Variants in MMP24 observed in about 807,000 individuals in gnomAD.
MMP24 encodes matrix metallopeptidase 24, also known as matrix metalloproteinase-24.
MMP24 carries 25 observed loss-of-function variants against 62.8 expected under a neutral mutation model. The observed-to-expected ratio is 0.40, with a 90% CI of 0.29 to 0.56. MMP24 has a LOEUF of 0.56. Ranked by LOEUF, MMP24 falls within the 20% of genes least tolerant of loss-of-function variation. The pLI is 0.50. For missense variants in MMP24, 634 were observed against 853.6 expected, an observed-to-expected ratio of 0.74 and a Z score of 3.21; for synonymous variants, 319 against 350.5, an observed-to-expected ratio of 0.91 and a Z score of 1.00.
At chr20:35,236,973 C>CAAA (rs10710875) in intron 1 of MMP24, among the ~76,000 whole-genome samples, 28 of 76,462 alleles carry the variant, frequency 3.7e-4, no homozygotes, top group African/African-American at 9.5e-4. Flanking sequence ...GACACCATCT[C>CAAA]AAAAAAAAAA....
Position 35,269,741 on chromosome 20 carries a change from C to A in MMP24, c.1195-19C>A, listed in dbSNP as rs2275274. 12 of 1,562,158 alleles carry A rather than the reference C, an allele frequency of 7.7e-6. No individual in the cohort carries two copies. The highest frequency in any genetic ancestry group is 2.7e-5 in the African/African-American group (2 of 73,348). ...CAGGGCCTGACACACCTCTCTCCCC[C>A]TCTCCCGCTTCCTCCCAGGATCGCT... On this transcript the variant is annotated intron_variant, in intron 6 of 8. Transcript: ENST00000246186. This position sits in a 1 kb window ranked among gnomAD's most constrained non-coding sequence, Gnocchi z 4.6.
chr20:35,245,406 G>C (rs141405922), intron 1 of MMP24, among the ~76,000 whole-genome samples: 40 of 150,818 alleles, frequency 2.7e-4, no homozygotes, highest in African/African-American at 9.9e-4. Flanking sequence ...TCTTCTCTCT[G>C]TCTCTGTCTG....
intron 1 of MMP24, among the ~76,000 whole-genome samples, chr20:35,231,216 T>C (rs900149650): frequency 3.3e-5 from 5 of 152,218 alleles, no homozygotes; most frequent in Admixed American, 3.3e-4. Context: ...CATGAATAAG[T>C]AACAGAGTGT....
At chr20:35,236,960 C>G (rs192422867) in intron 1 of MMP24, among the ~76,000 whole-genome samples, 1 of 130,706 alleles carries the variant, frequency 7.7e-6, no homozygotes, top group Non-Finnish European at 1.5e-5. Context: ...TGCGACAGAG[C>G]GAGACACCAT....
chr20:35,246,209 C>T (rs527531669), intron 1 of MMP24, among the ~76,000 whole-genome samples: 16 of 151,126 alleles, frequency 1.1e-4, no homozygotes, highest in Admixed American at 2.0e-4. Context: ...AATCCCACAA[C>T]TTTGGGAGGC....
rs2060666754 is a variant in MMP24 at position 35,271,131 on chromosome 20, A to G, written c.1334-438A>G. Among the ~76,000 whole-genome samples, 1 of 152,172 alleles carries G rather than the reference A, an allele frequency of 6.6e-6. No individual in the cohort carries two copies. Among genetic ancestry groups the G allele is most frequent in the South Asian group, 2.1e-4 (1 of 4,838 alleles). On this transcript the variant is annotated intron_variant, in intron 7 of 8. Coordinates refer to ENST00000246186, the MANE Select transcript of MMP24 (RefSeq NM_006690.4). This position sits in a 1 kb window ranked among gnomAD's most constrained non-coding sequence, Gnocchi z 4.0. ...TCCCTGTTGGGGACCTGGGAGGCAG[A>G]AGGTGATGAGGAGGGAGCCCCTCTG...
intron 1 of MMP24, among the ~76,000 whole-genome samples, chr20:35,242,415 TTGG>T (rs1313508288): frequency 1.3e-5 from 2 of 152,144 alleles, no homozygotes; most frequent in Non-Finnish European, 2.9e-5. Context: ...AACATAAAAC[TTGG>T]TGGTCTGAAG....
intron 1 of MMP24, among the ~76,000 whole-genome samples, chr20:35,233,228 G>A (rs2060445942): frequency 6.6e-6 from 1 of 152,030 alleles, no homozygotes; most frequent in South Asian, 2.1e-4. Flanking sequence ...CCAACATGGT[G>A]AAACCCTATC....
intron 1 of MMP24, among the ~76,000 whole-genome samples, chr20:35,230,763 A>G (rs572354567): frequency 1.3e-5 from 2 of 152,344 alleles, no homozygotes; most frequent in Admixed American, 1.3e-4. Flanking sequence ...GAGTTGCCCA[A>G]GGGCACAGAA....
intron 5 of MMP24, among the ~76,000 whole-genome samples, chr20:35,264,349 C>T (rs1282939262): frequency 1.3e-5 from 2 of 152,052 alleles, no homozygotes; most frequent in Non-Finnish European, 2.9e-5. Context: ...GCAGGAGTAA[C>T]GGTGATACAG....
rs780218754 is a variant in MMP24 at position 35,246,872 on chromosome 20, C to T, written c.279C>T (p.Pro93=). The T allele has an allele frequency of 4.3e-6, 7 of 1,614,044 alleles. No homozygotes were observed. The highest frequency in any genetic ancestry group is 5.9e-6 in the Non-Finnish European group (7 of 1,179,892). The change falls in exon 2 of 9, where the codon CCC becomes CCT. Residue 93 remains proline, a synonymous_variant. Coordinates refer to ENST00000246186, the MANE Select transcript of MMP24 (RefSeq NM_006690.4). Reference sequence around the variant, plus strand: ...TAAAGTCCTATGGCTATCTGCTTCCCTATGACTCACGGGCATCTGCGCTGC... The same window carrying T: ...TAAAGTCCTATGGCTATCTGCTTCCTTATGACTCACGGGCATCTGCGCTGC... ...NWLKSYGYLL[P]YDSRASALHS... is the part of the protein sequence containing the mutation.
intron 4 of MMP24, chr20:35,256,277 C>T (rs1019003487): frequency 6.6e-6 from 1 of 152,162 alleles, no homozygotes; most frequent in African/African-American, 2.4e-5. Flanking sequence ...AAGTCACCTA[C>T]CTAAGGTCCC....
intron 1 of MMP24, among the ~76,000 whole-genome samples, chr20:35,228,071 G>A (rs375862805): frequency 3.3e-5 from 5 of 152,134 alleles, no homozygotes; most frequent in African/African-American, 4.8e-5. Flanking sequence ...TGATAGCCTC[G>A]CCACCCTAAG....
intron 1 of MMP24, among the ~76,000 whole-genome samples, chr20:35,239,108 G>A (rs1367296660): frequency 6.8e-6 from 1 of 148,002 alleles, no homozygotes; most frequent in African/African-American, 2.5e-5. Flanking sequence ...GTGCAGTGCC[G>A]TGATCTTGGC....
chr20:35,239,329 G>T (rs1045027922), intron 1 of MMP24, among the ~76,000 whole-genome samples: 2 of 152,004 alleles, frequency 1.3e-5, no homozygotes, highest in Non-Finnish European at 2.9e-5. Context: ...GAGCCACCAC[G>T]CCTGGCTGTT....
At chr20:35,260,760 A>T (rs2060598473) in intron 4 of MMP24, among the ~76,000 whole-genome samples, 1 of 152,206 alleles carries the variant, frequency 6.6e-6, no homozygotes, top group African/African-American at 2.4e-5. Flanking sequence ...TCCGTTGCTC[A>T]AAGGTGGCTT....
chr20:35,250,576 G>A (rs1046297983), intron 2 of MMP24, among the ~76,000 whole-genome samples: 2 of 148,726 alleles, frequency 1.3e-5, no homozygotes, highest in African/African-American at 5.1e-5. Context: ...AAAAAAAAAA[G>A]AAAGAAAGAA....
At chr20:35,251,522 A>G (rs1162248009) in intron 2 of MMP24, among the ~76,000 whole-genome samples, 2 of 152,114 alleles carry the variant, frequency 1.3e-5, no homozygotes, top group Non-Finnish European at 2.9e-5. Context: ...GCATTTTCAC[A>G]TGTACTTCCT....
At chr20:35,267,098 G>A (rs142308704) in intron 5 of MMP24, 107 bp from the exon 6 acceptor site, 1 of 896,390 alleles carries the variant, frequency 1.1e-6, no homozygotes, top group Admixed American at 2.7e-5. Context: ...GGAACAGGAG[G>A]CTGAACTGGG....
Sources: gnomAD v4.1 joint callset for allele counts (sites outside exome capture counted in the v4.1 genomes callset) on GRCh38, gnomAD v4.1.1 for gene constraint, Gnocchi (gnomAD v3.1) non-coding constraint, MANE v1.5 for transcripts, NCBI Gene and HGNC (gene_info 2026-07-23, HGNC 2026-07-21) for gene names.